The following PCTP variants were observed in gnomAD, a reference collection of about 807,000 sequenced individuals.
The protein encoded by PCTP is START domain-containing protein 2.
A neutral mutation model predicts 31.0 loss-of-function variants in PCTP; 27 were observed. That is an observed-to-expected ratio of 0.87 (90% CI 0.64 to 1.20). The LOEUF is 1.20. Ranked by LOEUF, PCTP falls within the 50% of genes most tolerant of loss-of-function variation. The probability of loss-of-function intolerance (pLI) is 0.00; values close to 1 mark genes in which losing one functional copy is unlikely to be tolerated. For synonymous variants in PCTP, 108 were observed against 101.2 expected, an observed-to-expected ratio of 1.07 and a Z score of -0.40; for missense variants, 287 against 268.2, an observed-to-expected ratio of 1.07 and a Z score of -0.49.
At chr17:55,767,494 C>T in intron 2 of PCTP, 42 bp downstream of exon 2, 1 of 1,355,386 alleles carries the variant, frequency 7.4e-7, no homozygotes, top group South Asian at 1.2e-5. Context: ...GACGTACTTT[C>T]ACTTTTGTAG....
At position 55,822,651 on chromosome 17, in the gene PCTP, A is replaced by C. The variant is rs547206609; in HGVS notation, c.318-110A>C. 10 of 449,842 alleles carry C rather than the reference A, an allele frequency of 2.2e-5. No individual in the cohort carries two copies. In the South Asian group the frequency reaches 1.2e-3, roughly 55 times the overall value. 27.9% of individuals were successfully genotyped at this position (449,842 alleles called of 1,614,324 possible). On this transcript the variant is annotated intron_variant, in intron 3 of 3. Transcript: ENST00000572536. Reference sequence around the variant, plus strand: ...ATCCAGAGGCTAGAAGTAGAATTGCATCCTTCCATGACTATCCAAACCCCT... The same window carrying C: ...ATCCAGAGGCTAGAAGTAGAATTGCCTCCTTCCATGACTATCCAAACCCCT...
chr17:55,758,507 T>C (rs1910165431), intron 1 of PCTP, among the ~76,000 whole-genome samples: 1 of 152,214 alleles, frequency 6.6e-6, no homozygotes, highest in Non-Finnish European at 1.5e-5. Context: ...AATAAGCCAA[T>C]TAGCATCATG....
intron 1 of PCTP, among the ~76,000 whole-genome samples, chr17:55,757,214 ATG>A (rs1910077939): frequency 6.6e-6 from 1 of 150,694 alleles, no homozygotes; most frequent in Non-Finnish European, 1.5e-5. Flanking sequence ...GTGTGTATAT[ATG>A]TATATATATA....
At chr17:55,769,050 A>G (rs1216553876) in intron 2 of PCTP, 1 of 152,280 alleles carries the variant, frequency 6.6e-6, no homozygotes, top group Non-Finnish European at 1.5e-5. Flanking sequence ...AAATAATTTC[A>G]TCAGGATTGT....
At chr17:55,812,231 TAA>T (rs1912775530) in intron 3 of PCTP, among the ~76,000 whole-genome samples, 1 of 152,084 alleles carries the variant, frequency 6.6e-6, no homozygotes, top group African/African-American at 2.4e-5. Context: ...ATAATAATAA[TAA>T]TTACAAACAT....
chr17:55,775,325 TG>T, intron 5 of PCTP: 2 of 1,232,736 alleles, frequency 1.6e-6, no homozygotes, highest in Admixed American at 8.4e-5. Flanking sequence ...GGAACTGCAG[TG>T]GTAGTTTGTA....
chr17:55,787,796 T>C (rs1911805149), intron 3 of PCTP: 1 of 152,254 alleles, frequency 6.6e-6, no homozygotes, highest in African/African-American at 2.4e-5. Context: ...TTCTCCATTG[T>C]TGTTTCCTCC....
intron 5 of PCTP, among the ~76,000 whole-genome samples, chr17:55,830,284 G>A (rs1905553739): frequency 6.6e-6 from 1 of 152,192 alleles, no homozygotes. Context: ...TTCTGCTGCT[G>A]TGGCTGAATG....
intron 3 of PCTP, among the ~76,000 whole-genome samples, chr17:55,805,153 A>G (rs556607952): frequency 6.6e-6 from 1 of 152,302 alleles, no homozygotes; most frequent in African/African-American, 2.4e-5. Flanking sequence ...TTTTACATCA[A>G]TAGATAAACA....
At chr17:55,842,553 A>G (rs1485736449) in intron 5 of PCTP, 2 of 152,254 alleles carry the variant, frequency 1.3e-5, no homozygotes, top group South Asian at 2.1e-4. Flanking sequence ...GATCAAGACC[A>G]GATCTTGATG....
chr17:55,850,952 G>A, the PCTP span, among the ~76,000 whole-genome samples: 12 of 152,070 alleles, frequency 7.9e-5, no homozygotes, highest in South Asian at 4.2e-4. Flanking sequence ...TTTTTAATAC[G>A]AACCACTGTC....
intron 2 of PCTP, among the ~76,000 whole-genome samples, chr17:55,786,391 C>A (rs1331618222): frequency 2.0e-5 from 3 of 152,072 alleles, no homozygotes; most frequent in Non-Finnish European, 4.4e-5. Context: ...TGAAAAGATA[C>A]CTAATGTAAA....
downstream of PCTP, among the ~76,000 whole-genome samples, chr17:55,779,824 C>T (rs555941086): frequency 6.6e-6 from 1 of 152,184 alleles, no homozygotes; most frequent in South Asian, 2.1e-4. Flanking sequence ...AATCAAGTTT[C>T]CAAAGTGGAA....
chr17:55,783,266 A>G (rs1911628387), intron 2 of PCTP, among the ~76,000 whole-genome samples: 2 of 152,128 alleles, frequency 1.3e-5, no homozygotes, highest in Admixed American at 6.6e-5. Context: ...GTAAAAGTCT[A>G]CTCAACAGAA....
intron 2 of PCTP, among the ~76,000 whole-genome samples, chr17:55,785,727 T>C (rs945796102): frequency 7.9e-5 from 12 of 152,222 alleles, no homozygotes; most frequent in African/African-American, 2.9e-4. Context: ...GAATGAAAAT[T>C]CAGTGAACAA....
intron 1 of PCTP, among the ~76,000 whole-genome samples, chr17:55,764,128 T>G (rs1910504450): frequency 6.6e-6 from 1 of 152,234 alleles, no homozygotes; most frequent in Non-Finnish European, 1.5e-5. Flanking sequence ...GGGTTGTAAC[T>G]ACATTCAGGA....
rs1393107244 is a variant in PCTP at position 55,776,643 on chromosome 17, T to G, written c.*543T>G. 20 of 1,229,542 alleles carry G rather than the reference T, an allele frequency of 1.6e-5. No homozygotes were observed. Among genetic ancestry groups the G allele is most frequent in the Non-Finnish European group, 2.0e-5 (20 of 987,224 alleles). The allele number at this position is 1,229,542 out of a possible 1,614,324, so 76.2% of individuals were successfully genotyped here. A position where few individuals can be genotyped will look rare whatever the true frequency, so the allele number is the denominator to read the frequency against. On this transcript the variant is annotated 3_prime_UTR_variant, in exon 6 of 6. Coordinates refer to ENST00000268896, the MANE Select transcript of PCTP (RefSeq NM_021213.4). ...GTGCCAATGTCCATTTGCCTTATGC[T>G]TTGTGGAGCTGATTAGGCTGGGATT...
chr17:55,828,072 T>C (rs1905460207), downstream of PCTP, among the ~76,000 whole-genome samples: 1 of 152,178 alleles, frequency 6.6e-6, no homozygotes, highest in Non-Finnish European at 1.5e-5. Flanking sequence ...AGGGGCACTC[T>C]GGGGTGGGAA....
intron 3 of PCTP, among the ~76,000 whole-genome samples, chr17:55,814,098 G>A (rs564717829): frequency 5.3e-5 from 8 of 151,680 alleles, no homozygotes; most frequent in East Asian, 3.9e-4. Flanking sequence ...AATTCAATGC[G>A]TCGATTACAA....
Sources: allele counts gnomAD v4.1 joint callset (sites outside exome capture counted in the v4.1 genomes callset), GRCh38; gene constraint gnomAD v4.1.1; transcripts MANE v1.5; gene names NCBI Gene and HGNC (gene_info 2026-07-23, HGNC 2026-07-21).